Variants in GRM7 observed in about 807,000 individuals in gnomAD.
GRM7 encodes metabotropic glutamate receptor 7.
Under a neutral mutation model 84.5 loss-of-function variants are expected in GRM7, and 35 were observed. The observed-to-expected ratio is 0.41, with a 90% CI of 0.32 to 0.55. The LOEUF (loss-of-function observed/expected upper bound fraction) is 0.55, where lower values mean the gene tolerates loss of function less well. GRM7 is among the 20% of genes least tolerant of loss of function. The pLI is 0.19. For synonymous variants in GRM7, 487 were observed against 455.1 expected (o/e 1.07, Z -0.89); for missense variants, 1,003 against 1,194.6 (o/e 0.84, Z 2.36).
intron 4 of GRM7, among the ~76,000 whole-genome samples, chr3:7,387,811 C>T (rs1432683375): frequency 1.3e-5 from 2 of 151,672 alleles, no homozygotes; most frequent in African/African-American, 2.4e-5. Context: ...TAGTTTTTTT[C>T]CTAATTCTGT....
chr3:7,687,704 G>A (rs564985124), intron 9 of GRM7, among the ~76,000 whole-genome samples: 1 of 152,102 alleles, frequency 6.6e-6, no homozygotes, highest in Non-Finnish European at 1.5e-5. Context: ...ACTTTTATCA[G>A]ATCACTGTTC....
intron 8 of GRM7, among the ~76,000 whole-genome samples, chr3:7,627,970 C>A (rs1170184108): frequency 6.6e-6 from 1 of 152,104 alleles, no homozygotes; most frequent in Non-Finnish European, 1.5e-5. Flanking sequence ...GGACTTCAAC[C>A]TATGAATTGT....
chr3:7,626,700 G>A (rs1467972696), intron 8 of GRM7, among the ~76,000 whole-genome samples: 1 of 152,110 alleles, frequency 6.6e-6, no homozygotes, highest in African/African-American at 2.4e-5. Flanking sequence ...TAGCCATAGT[G>A]GATTAGAGAC....
intron 1 of GRM7, among the ~76,000 whole-genome samples, chr3:6,866,117 T>G (rs1694930334): frequency 6.6e-6 from 1 of 152,216 alleles, no homozygotes; most frequent in Non-Finnish European, 1.5e-5. Flanking sequence ...TTTTTCTCTT[T>G]AAGAATAATT....
chr3:7,382,993 G>T (rs984511509), intron 4 of GRM7, among the ~76,000 whole-genome samples: 1 of 152,038 alleles, frequency 6.6e-6, no homozygotes, highest in South Asian at 2.1e-4. Context: ...TTTTTCAACC[G>T]TACCAAGTGG....
At chr3:7,146,119 T>C (rs571523291) in intron 1 of GRM7, among the ~76,000 whole-genome samples, 1 of 152,288 alleles carries the variant, frequency 6.6e-6, no homozygotes, top group African/African-American at 2.4e-5. Context: ...GGTTTATAAG[T>C]AGTAAAGCAT....
chr3:7,500,089 G>A (rs28538988), intron 7 of GRM7, among the ~76,000 whole-genome samples: 1,744 of 152,178 alleles, frequency 0.011, 38 homozygotes, highest in African/African-American at 0.039. Flanking sequence ...CTCCACCATA[G>A]CATCTTTTTG....
At chr3:7,734,322 A>G (rs897460107) in intron 9 of GRM7, among the ~76,000 whole-genome samples, 5 of 152,096 alleles carry the variant, frequency 3.3e-5, no homozygotes, top group African/African-American at 1.2e-4. Context: ...GAGTAGAAAA[A>G]AAGGATATGC....
intron 1 of GRM7, among the ~76,000 whole-genome samples, chr3:7,078,694 C>T (rs1436799372): frequency 6.6e-6 from 1 of 152,094 alleles, no homozygotes; most frequent in African/African-American, 2.4e-5. Flanking sequence ...ACAGGAGCTA[C>T]AGCATACTAG....
intron 5 of GRM7, among the ~76,000 whole-genome samples, chr3:7,437,843 C>T (rs1233361540): frequency 6.6e-6 from 1 of 152,002 alleles, no homozygotes; most frequent in Non-Finnish European, 1.5e-5. Context: ...AGAGACCAAA[C>T]TTTGAGAATT....
At chr3:7,734,020 T>C (rs1008549584) in intron 9 of GRM7, among the ~76,000 whole-genome samples, 41 of 152,300 alleles carry the variant, frequency 2.7e-4, no homozygotes, top group African/African-American at 9.6e-4. Context: ...GCATTATAAG[T>C]TCTATAACAA....
rs147486961 is a variant in GRM7 at position 7,499,919 on chromosome 3, T to G, written c.1515+38197T>G. ...CCTCCCAAATAGCTGGGACTACAGG[T>G]GCCCGTCACCACGCCCGGCTAATTT... is the stretch of plus-strand genomic sequence containing the variant. On this transcript the variant is annotated intron_variant, in intron 7 of 9. Coordinates refer to ENST00000357716, the MANE Select transcript of GRM7 (RefSeq NM_000844.4). Among the ~76,000 whole-genome samples the G allele has an allele frequency of 8.9e-3, 1,357 of 152,046 alleles. 24 individuals carry two copies. Among genetic ancestry groups the G allele is most frequent in the African/African-American group, 0.031 (1,283 of 41,478 alleles).
chr3:7,471,418 G>A (rs910989592), intron 7 of GRM7, among the ~76,000 whole-genome samples: 1 of 152,026 alleles, frequency 6.6e-6, no homozygotes, highest in Admixed American at 6.5e-5. Context: ...GTTTGGTTTT[G>A]GGACTGAGGT....
At chr3:7,672,944 C>T (rs577706025) in intron 8 of GRM7, among the ~76,000 whole-genome samples, 119 of 152,042 alleles carry the variant, frequency 7.8e-4, no homozygotes, top group Non-Finnish European at 1.4e-3. Context: ...AGATGTTCCC[C>T]CTAAAACAGG....
intron 8 of GRM7, among the ~76,000 whole-genome samples, chr3:7,668,246 T>C (rs1417843747): frequency 6.6e-6 from 1 of 152,226 alleles, no homozygotes; most frequent in East Asian, 1.9e-4. Context: ...GAGTACCTTT[T>C]GCCTTTCTGT....
At chr3:7,625,935 G>C (rs1697587013) in intron 8 of GRM7, among the ~76,000 whole-genome samples, 2 of 152,296 alleles carry the variant, frequency 1.3e-5, no homozygotes. Flanking sequence ...AGAGTTAAAA[G>C]AGAACAACCA....
At chr3:7,729,758 T>G (rs1228516792) in intron 9 of GRM7, among the ~76,000 whole-genome samples, 3 of 151,892 alleles carry the variant, frequency 2.0e-5, no homozygotes, top group Non-Finnish European at 4.4e-5. Flanking sequence ...CAGGCTGGAG[T>G]GCAATGGCGC....
chr3:6,984,261 T>C (rs1424619874), intron 1 of GRM7, among the ~76,000 whole-genome samples: 1 of 152,192 alleles, frequency 6.6e-6, no homozygotes, highest in Non-Finnish European at 1.5e-5. Context: ...GAATGTTGTA[T>C]ATTATTATTA....
chr3:7,678,308 A>G (rs1248349856), intron 8 of GRM7, among the ~76,000 whole-genome samples: 1 of 152,206 alleles, frequency 6.6e-6, no homozygotes, highest in Non-Finnish European at 1.5e-5. Context: ...ATAAAACAAG[A>G]AGTCTGAATA....
Sources: gnomAD v4.1 joint callset for allele counts (sites outside exome capture counted in the v4.1 genomes callset) on GRCh38, gnomAD v4.1.1 for gene constraint, MANE v1.5 for transcripts, NCBI Gene and HGNC (gene_info 2026-07-23, HGNC 2026-07-21) for gene names.